Variants in GPBP1L1 observed in about 807,000 individuals in gnomAD.
The protein encoded by GPBP1L1 is GC-rich promoter binding protein 1 like 1.
In GPBP1L1, 23 loss-of-function variants were observed where a neutral mutation model predicts 52.5. That is an observed-to-expected ratio of 0.44 (90% CI 0.32 to 0.62). GPBP1L1 has a LOEUF of 0.62. GPBP1L1 is among the 20% of genes least tolerant of loss of function. GPBP1L1 has a pLI of 0.06. For missense variants in GPBP1L1, 596 were observed against 579.3 expected, an observed-to-expected ratio of 1.03 and a Z score of -0.30; for synonymous variants, 243 against 203.1, an observed-to-expected ratio of 1.20 and a Z score of -1.67.
chr1:45,630,440 A>G (rs781755851), intron 11 of GPBP1L1, 42 bp downstream of exon 11: 1 of 1,605,818 alleles, frequency 6.2e-7, no homozygotes, highest in East Asian at 2.2e-5. Flanking sequence ...AAGGTCCTTA[A>G]AGGTCAGACA....
intron 2 of GPBP1L1, among the ~76,000 whole-genome samples, chr1:45,670,608 G>A (rs1393201318): frequency 6.6e-6 from 1 of 151,872 alleles, no homozygotes; most frequent in South Asian, 2.1e-4. Flanking sequence ...TATACGGTAT[G>A]AGACCCAGGT....
intron 8 of GPBP1L1, 35 bp downstream of exon 8, chr1:45,640,175 T>C (rs1460685496): frequency 1.3e-6 from 2 of 1,514,368 alleles, no homozygotes; most frequent in Non-Finnish European, 1.8e-6. Flanking sequence ...CAAACCTCTC[T>C]TGTATAAGGT....
chr1:45,675,325 A>T (rs1214538524), intron 2 of GPBP1L1, among the ~76,000 whole-genome samples: 1 of 151,988 alleles, frequency 6.6e-6, no homozygotes, highest in Admixed American at 6.6e-5. Context: ...AAATAAAAAT[A>T]AAAAAATAAA....
At chr1:45,640,936 T>G (rs1449471331) in intron 7 of GPBP1L1, among the ~76,000 whole-genome samples, 3 of 152,014 alleles carry the variant, frequency 2.0e-5, no homozygotes, top group Non-Finnish European at 2.9e-5. Context: ...GAGAATCACT[T>G]GAGCCCAGGT....
At chr1:45,642,832 C>A (rs906422429) in intron 6 of GPBP1L1, among the ~76,000 whole-genome samples, 2 of 152,118 alleles carry the variant, frequency 1.3e-5, no homozygotes, top group Non-Finnish European at 1.5e-5. Context: ...GTTAGATGAA[C>A]AAGAATGTGG....
At chr1:45,652,170 C>T (rs1271293058) in intron 6 of GPBP1L1, among the ~76,000 whole-genome samples, 1 of 152,186 alleles carries the variant, frequency 6.6e-6, no homozygotes, top group Non-Finnish European at 1.5e-5. Flanking sequence ...GTTGTGACAA[C>T]AAAGATGTCT....
intron 6 of GPBP1L1, chr1:45,645,830 C>G (rs1644737742): frequency 4.2e-6 from 2 of 481,510 alleles, no homozygotes; most frequent in Non-Finnish European, 8.0e-6. Context: ...AAACAAAATC[C>G]AAGGATTTTC....
At position 45,655,324 on chromosome 1, in the gene GPBP1L1, G is replaced by A. The variant is rs556259833; in HGVS notation, c.61-5C>T. The A allele has an allele frequency of 1.2e-6, 2 of 1,613,978 alleles. No individual in the cohort carries two copies. The highest frequency in any genetic ancestry group is 2.2e-5 in the East Asian group (1 of 44,886). On this transcript the variant is annotated splice_region_variant and splice_polypyrimidine_tract_variant and intron_variant, in intron 4 of 12. Transcript: ENST00000355105. ...TTCGAAGGTGGCAGTAGGTGACTAA[G>A]ATGATGAAGTATGGAGAGGCAAATG...
chr1:45,675,723 A>G (rs1391768523), intron 2 of GPBP1L1, among the ~76,000 whole-genome samples: 7 of 152,222 alleles, frequency 4.6e-5, no homozygotes, highest in South Asian at 2.1e-4. Flanking sequence ...TAATTTTTGT[A>G]GAGACAGGGT....
At chr1:45,680,445 A>ACCAG (rs919572978) in intron 2 of GPBP1L1, among the ~76,000 whole-genome samples, 3 of 151,656 alleles carry the variant, frequency 2.0e-5, no homozygotes, top group African/African-American at 4.8e-5. Context: ...CACCATGTTG[A>ACCAG]CCAGCCTGGT....
chr1:45,659,133 T>TG lies in GPBP1L1; in HGVS notation c.-47dup, dbSNP rs1644917798. ...CAGTAAGGTGAGGCATCCAACCTCA[T>TG]GGCCAGGATCTGAAAACAAAACAAT... is the stretch of plus-strand genomic sequence containing the variant. On this transcript the variant is annotated 5_prime_UTR_variant, in exon 4 of 13. Transcript: ENST00000355105. The TG allele has an allele frequency of 6.2e-7, 1 of 1,601,932 alleles. No homozygotes were observed. The highest frequency in any genetic ancestry group is 1.7e-5 in the Admixed American group (1 of 59,588).
chr1:45,686,662 T>G (rs1321328694), upstream of GPBP1L1: 1 of 152,200 alleles, frequency 6.6e-6, no homozygotes, highest in African/African-American at 2.4e-5. Flanking sequence ...CGCAAGGGAC[T>G]GCTCCGGCGA....
chr1:45,669,046 G>A (rs1273821363), intron 2 of GPBP1L1, among the ~76,000 whole-genome samples: 1 of 152,244 alleles, frequency 6.6e-6, no homozygotes, highest in East Asian at 1.9e-4. Context: ...TCTGTCAAAA[G>A]CATAATTTTG....
intron 2 of GPBP1L1, among the ~76,000 whole-genome samples, chr1:45,680,192 CAAAT>C (rs1645195281): frequency 6.7e-6 from 1 of 149,840 alleles, no homozygotes; most frequent in African/African-American, 2.5e-5. Context: ...TTTTTTTAAA[CAAAT>C]GAGTGATTTA....
chr1:45,678,045 G>C (rs1470847865), intron 2 of GPBP1L1, among the ~76,000 whole-genome samples: 1 of 152,134 alleles, frequency 6.6e-6, no homozygotes, highest in Admixed American at 6.5e-5. Context: ...TATGCTACAT[G>C]AAAGAAGCCA....
rs761900043 is a variant in GPBP1L1, at chr1:45,640,190, G to GC, written c.744+19dup. On this transcript the variant is annotated intron_variant, in intron 8 of 12. Coordinates refer to ENST00000355105, the MANE Select transcript of GPBP1L1 (RefSeq NM_021639.5). ...CAAACCTCTCTTGTATAAGGTTCTT[G>GC]CCCTGATTCTAAATCATACCTTGGA... The GC allele has an allele frequency of 6.3e-7, 1 of 1,592,326 alleles. No homozygotes were observed. The highest frequency in any genetic ancestry group is 8.6e-7 in the Non-Finnish European group (1 of 1,161,824).
rs1407724581 is a variant in GPBP1L1 at position 45,629,628 on chromosome 1, C to A, written c.1220G>T (p.Cys407Phe). Residue 407 changes from cysteine to phenylalanine, a missense_variant, in exon 12 of 13, where the codon TGC becomes TTC. Physicochemically the swap from Cys to Phe is radical, Grantham distance 205. Transcript: ENST00000355105. ...GAGCTCATCCTCTGTGAGGGGAAGG[C>A]AATTCTCATCATTTTCAGGATATTC... ...WQEYPENDEN[C>F]LPLTEDELKE... is the part of the protein sequence containing the mutation. 2 of 1,613,574 alleles carry A rather than the reference C, an allele frequency of 1.2e-6. No individual in the cohort carries two copies. Among genetic ancestry groups the A allele is most frequent in the Non-Finnish European group, 1.7e-6 (2 of 1,179,482 alleles).
In GPBP1L1 at chr1:45,628,396, C is replaced by G. The variant is rs952283596; in HGVS notation, c.1285G>C (p.Gly429Arg). 1 of 1,613,620 alleles carries G rather than the reference C, an allele frequency of 6.2e-7. No homozygotes were observed. The highest frequency in any genetic ancestry group is 1.1e-5 in the South Asian group (1 of 91,028). Reference protein sequence around the residue: ...HMKTEQLRRNGFGKNGFLQSR... With the variant: ...HMKTEQLRRNRFGKNGFLQSR... ...TGCAAGAAGCCATTCTTTCCAAAGC[C>G]ATTTCTTCTCAGCTATGGTTAGCAT... The change falls in exon 13 of 13, where the codon GGC becomes CGC. Residue 429 changes from glycine to arginine, a missense_variant. Physicochemically the swap from Gly to Arg is moderately radical, Grantham distance 125. Transcript: ENST00000355105.
intron 2 of GPBP1L1, among the ~76,000 whole-genome samples, chr1:45,671,209 C>CTTTTT (rs5773890): frequency 6.0e-5 from 6 of 99,794 alleles, no homozygotes; most frequent in African/African-American, 1.5e-4. Flanking sequence ...GGCTCTCTGG[C>CTTTTT]TTTTTTTTTT....
Sources: gnomAD v4.1 joint callset for allele counts (sites outside exome capture counted in the v4.1 genomes callset) on GRCh38, gnomAD v4.1.1 for gene constraint, MANE v1.5 for transcripts, NCBI Gene and HGNC (gene_info 2026-07-23, HGNC 2026-07-21) for gene names.